Variants in WASHC3 observed in about 807,000 individuals in gnomAD.
The protein encoded by WASHC3 is WASH complex subunit CCDC53.
In WASHC3, 24 loss-of-function variants were observed where a neutral mutation model predicts 26.1. The ratio of observed to expected loss-of-function variants is 0.92; its 90% CI spans 0.66 to 1.29. The LOEUF is 1.29. Ranked by LOEUF, WASHC3 falls within the 50% of genes most tolerant of loss-of-function variation. The pLI, the probability that WASHC3 is intolerant of heterozygous loss-of-function variation, is 0.00. For missense variants in WASHC3, 214 were observed against 229.6 expected (o/e 0.93, Z 0.44); for synonymous variants, 77 against 75.7 (o/e 1.02, Z -0.09).
In WASHC3 at chr12:102,012,955, C is replaced by A. The variant is rs574860885; in HGVS notation, c.*153G>T. 7.3e-5 allele frequency: 36 copies of A among 493,268 alleles called. No homozygotes were observed. Among genetic ancestry groups the A allele is most frequent in the Non-Finnish European group, 1.2e-4 (34 of 281,534 alleles). The allele number at this position is 493,268 out of a possible 1,614,324, so 30.6% of individuals were successfully genotyped here. A position where few individuals can be genotyped will look rare whatever the true frequency, so the allele number is the denominator to read the frequency against. ...AACAAGACATACTGGCAGGTTAAAA[C>A]TGCTTTATTATTATTTTTTTAACAT... On this transcript the variant is annotated 3_prime_UTR_variant, in exon 7 of 7. Transcript: ENST00000240079.
intron 2 of WASHC3, among the ~76,000 whole-genome samples, chr12:102,051,527 A>G (rs1231888288): frequency 5.9e-5 from 9 of 152,364 alleles, no homozygotes; most frequent in African/African-American, 1.2e-4. Flanking sequence ...TAATATAGCT[A>G]TAAGAAGGTA....
At chr12:102,028,180 T>G (rs900556024) in intron 5 of WASHC3, among the ~76,000 whole-genome samples, 1 of 152,160 alleles carries the variant, frequency 6.6e-6, no homozygotes, top group Non-Finnish European at 1.5e-5. Flanking sequence ...TTGAAATATA[T>G]ATCTAAAACT....
At chr12:102,018,300 T>C (rs1876797824) in intron 6 of WASHC3, among the ~76,000 whole-genome samples, 1 of 152,244 alleles carries the variant, frequency 6.6e-6, no homozygotes, top group Non-Finnish European at 1.5e-5. Flanking sequence ...TTTGAGACTC[T>C]GCTTTCAATT....
intron 5 of WASHC3, among the ~76,000 whole-genome samples, chr12:102,039,025 A>G (rs989895366): frequency 6.6e-6 from 1 of 151,190 alleles, no homozygotes; most frequent in Non-Finnish European, 1.5e-5. Flanking sequence ...ACAATCAGTG[A>G]GGTGAGCCAC....
chr12:102,053,603 C>A (rs936369707), intron 2 of WASHC3, among the ~76,000 whole-genome samples: 1 of 152,162 alleles, frequency 6.6e-6, no homozygotes, highest in Non-Finnish European at 1.5e-5. Flanking sequence ...CAGTAACTGA[C>A]CCTTCTTCAC....
At position 102,034,781 on chromosome 12, in the gene WASHC3, AGTGTGTGTGT is replaced by A. The variant is rs60815635; in HGVS notation, c.435+5077_435+5086del. ...AAACAAATCCAATAGCCTAAAAAAA[AGTGTGTGTGT>A]GTGTGTGTGTGTGTGTGTGTGTGTG... On this transcript the variant is annotated intron_variant, in intron 5 of 6. Coordinates refer to ENST00000240079, the MANE Select transcript of WASHC3 (RefSeq NM_016053.4). Among the ~76,000 whole-genome samples the A allele has an allele frequency of 7.5e-5, 11 of 146,170 alleles. No homozygotes were observed. The East Asian group carries it at 1.0e-3, about 13-fold the overall frequency.
At chr12:102,041,611 G>A (rs764864317) in intron 4 of WASHC3, among the ~76,000 whole-genome samples, 2 of 151,998 alleles carry the variant, frequency 1.3e-5, no homozygotes, top group Non-Finnish European at 2.9e-5. Flanking sequence ...TGTCTGATAA[G>A]TGAGTTGACT....
At chr12:102,020,678 A>T (rs1876915665) in intron 6 of WASHC3, among the ~76,000 whole-genome samples, 2 of 152,354 alleles carry the variant, frequency 1.3e-5, no homozygotes, top group African/African-American at 4.8e-5. Flanking sequence ...GGAGATGATG[A>T]GGTAGTTATT....
At chr12:102,046,142 A>C (rs1042294109) in intron 2 of WASHC3, 23 bp from the exon 3 acceptor site, 2 of 1,393,060 alleles carry the variant, frequency 1.4e-6, no homozygotes, top group African/African-American at 1.4e-5. Context: ...AATTAGAGAC[A>C]TAAAGACTTT....
chr12:102,039,016 C>T (rs1343384026), intron 5 of WASHC3, among the ~76,000 whole-genome samples: 1 of 151,636 alleles, frequency 6.6e-6, no homozygotes, highest in Non-Finnish European at 1.5e-5. Context: ...TACAGTGGCA[C>T]AATCAGTGAG....
intron 5 of WASHC3, among the ~76,000 whole-genome samples, chr12:102,029,802 A>C (rs1877355230): frequency 6.6e-6 from 1 of 152,198 alleles, no homozygotes; most frequent in African/African-American, 2.4e-5. Context: ...GGCAACAATA[A>C]AAAATAGATC....
chr12:102,061,788 C>T, intron 1 of WASHC3, 124 bp downstream of exon 1: 3 of 755,584 alleles, frequency 4.0e-6, no homozygotes, highest in Non-Finnish European at 6.5e-6. Context: ...GCCCCACAGG[C>T]CTGTCACAAG....
chr12:102,050,453 A>AACACAC (rs58251617), intron 2 of WASHC3: 6,322 of 333,524 alleles, frequency 0.019, 83 homozygotes, highest in African/African-American at 0.046. Context: ...TGCCATCTCT[A>AACACAC]ACACACACAC....
chr12:102,017,873 A>T (rs1190222506), intron 6 of WASHC3: 7 of 364,604 alleles, frequency 1.9e-5, no homozygotes, highest in Non-Finnish European at 3.7e-5. Flanking sequence ...GGTAGTGTTT[A>T]GTACATTCAC....
chr12:102,044,911 A>G (rs930938178), intron 3 of WASHC3, among the ~76,000 whole-genome samples: 4 of 152,172 alleles, frequency 2.6e-5, no homozygotes, highest in African/African-American at 9.7e-5. Flanking sequence ...CCTGATATCA[A>G]TGACACGCAT....
At chr12:102,055,206 A>T (rs2136690394) in intron 2 of WASHC3, among the ~76,000 whole-genome samples, 1 of 152,340 alleles carries the variant, frequency 6.6e-6, no homozygotes, top group Middle Eastern at 3.4e-3. Flanking sequence ...AACGAAAGAG[A>T]TGTTACAACT....
chr12:102,014,035 GA>G (rs935251691), intron 6 of WASHC3, among the ~76,000 whole-genome samples: 11 of 150,804 alleles, frequency 7.3e-5, no homozygotes, highest in African/African-American at 2.4e-4. Flanking sequence ...TTTTGGGGGG[GA>G]AACCAAGAGG....
chr12:102,050,228 T>A (rs1263503246), intron 2 of WASHC3: 2 of 439,446 alleles, frequency 4.6e-6, no homozygotes, highest in South Asian at 3.2e-5. Context: ...GCAGGAGGTC[T>A]AGGCTGCAGT....
At chr12:102,057,977 G>A (rs56083798) in intron 2 of WASHC3, among the ~76,000 whole-genome samples, 5,955 of 151,856 alleles carry the variant, frequency 0.039, 165 homozygotes, top group African/African-American at 0.072. Flanking sequence ...AAAAAACAAA[G>A]CCAGAGAGAT....
Sources: allele counts gnomAD v4.1 joint callset (sites outside exome capture counted in the v4.1 genomes callset), GRCh38; gene constraint gnomAD v4.1.1; transcripts MANE v1.5; gene names NCBI Gene and HGNC (gene_info 2026-07-23, HGNC 2026-07-21).